Variants in METTL16 observed in about 807,000 individuals in gnomAD.
METTL16 encodes RNA N(6)-adenosine-methyltransferase METTL16.
In METTL16, 19 loss-of-function variants were observed where a neutral mutation model predicts 57.9. That is an observed-to-expected ratio of 0.33 (90% confidence interval 0.23 to 0.48). The LOEUF (loss-of-function observed/expected upper bound fraction) is 0.48. Ranked by LOEUF, METTL16 falls within the 20% of genes least tolerant of loss-of-function variation. The pLI, the probability that METTL16 is intolerant of heterozygous loss-of-function variation, is 0.99. For missense variants in METTL16, 434 were observed against 691.5 expected (o/e 0.63, Z 4.18); for synonymous variants, 246 against 255.6 (o/e 0.96, Z 0.36).
At chr17:2,427,449 G>C (rs1285552037) in intron 8 of METTL16, among the ~76,000 whole-genome samples, 1 of 152,164 alleles carries the variant, frequency 6.6e-6, no homozygotes, top group African/African-American at 2.4e-5. Context: ...AATCCATCAT[G>C]AGAGTCTCCA....
At position 2,428,377 on chromosome 17, in the gene METTL16, TC is replaced by T. The variant is rs369716223; in HGVS notation, c.889-7474del. ...CTCACGAGCCAAGTTGAATAAATTC[TC>T]CATGGCCAAAGGCGGTTAACTGTGC... is the stretch of plus-strand genomic sequence containing the variant. On this transcript the variant is annotated intron_variant, in intron 8 of 9. Transcript: ENST00000263092. Among the ~76,000 whole-genome samples, 327 of 151,464 alleles carry T rather than the reference TC, an allele frequency of 2.2e-3. 2 individuals carry two copies. The highest frequency in any genetic ancestry group is 7.5e-3 in the African/African-American group (310 of 41,278).
At chr17:2,428,343 T>TA in intron 8 of METTL16, among the ~76,000 whole-genome samples, 1 of 150,734 alleles carries the variant, frequency 6.6e-6, no homozygotes, top group South Asian at 2.1e-4. Context: ...GTGGATATGA[T>TA]AAAAAAGACT....
intron 2 of METTL16, among the ~76,000 whole-genome samples, chr17:2,491,788 T>C (rs928151232): frequency 1.5e-5 from 2 of 136,252 alleles, no homozygotes; most frequent in Non-Finnish European, 3.0e-5. Context: ...GGCAGGAGAA[T>C]GGCATGAACC....
chr17:2,446,096 A>C (rs2066993398), intron 6 of METTL16, among the ~76,000 whole-genome samples: 1 of 152,182 alleles, frequency 6.6e-6, no homozygotes, highest in South Asian at 2.1e-4. Context: ...TAAAAACTCT[A>C]AACAGACTAG....
Position 2,484,464 on chromosome 17 carries a change from T to C in METTL16, c.129-6579A>G, listed in dbSNP as rs537232423. ...GTAGCACTATGCCAGATGCCACAAA[T>C]GACCATTTCAAAGGTTATGACCACT... On this transcript the variant is annotated intron_variant, in intron 2 of 9. Coordinates refer to ENST00000263092, the MANE Select transcript of METTL16 (RefSeq NM_024086.4). Among the ~76,000 whole-genome samples the C allele has an allele frequency of 7.2e-5, 11 of 151,974 alleles. No homozygotes were observed. The East Asian group carries it at 2.1e-3, about 29-fold the overall frequency.
chr17:2,487,662 A>T (rs2067353471), intron 2 of METTL16, among the ~76,000 whole-genome samples: 1 of 152,166 alleles, frequency 6.6e-6, no homozygotes, highest in African/African-American at 2.4e-5. Context: ...CCTTTTAAAG[A>T]GCTGCTTTGG....
chr17:2,449,701 G>A (rs1448963246), intron 6 of METTL16, among the ~76,000 whole-genome samples: 2 of 152,132 alleles, frequency 1.3e-5, no homozygotes. Flanking sequence ...TTAAACAAAG[G>A]CCACTAAAGG....
rs5818860 is a variant in METTL16, at chr17:2,454,563, ATT to A, written c.728+9643_728+9644del. ...TGGATAAGACTATATTATTATTATT[ATT>A]TTTTTTTTTTTTTTTTTGAGACGGA... On this transcript the variant is annotated intron_variant, in intron 6 of 9. Transcript: ENST00000263092. Among the ~76,000 whole-genome samples the A allele has an allele frequency of 7.3e-3, 922 of 126,206 alleles. 8 individuals are homozygous for A. The highest frequency in any genetic ancestry group is 0.025 in the Middle Eastern group (6 of 240). 82.8% of individuals were successfully genotyped at this position (126,206 alleles called of 152,430 possible).
At chr17:2,503,226 C>G (rs1043561027) in intron 1 of METTL16, among the ~76,000 whole-genome samples, 1 of 151,684 alleles carries the variant, frequency 6.6e-6, no homozygotes, top group Non-Finnish European at 1.5e-5. Context: ...GAATGTGGAC[C>G]AACAAAATAC....
chr17:2,496,346 G>A (rs1267454501), intron 2 of METTL16, among the ~76,000 whole-genome samples: 5 of 151,384 alleles, frequency 3.3e-5, no homozygotes, highest in Non-Finnish European at 7.4e-5. Context: ...CGCTCAGGCT[G>A]GAGTGCAGTG....
At chr17:2,426,994 AG>A (rs2066824795) in intron 8 of METTL16, among the ~76,000 whole-genome samples, 1 of 138,744 alleles carries the variant, frequency 7.2e-6, no homozygotes, top group Admixed American at 7.3e-5. Flanking sequence ...AAAAAAAAAA[AG>A]AGCCGGGCAT....
At chr17:2,458,440 G>A (rs2151560462) in intron 6 of METTL16, among the ~76,000 whole-genome samples, 1 of 152,062 alleles carries the variant, frequency 6.6e-6, no homozygotes, top group East Asian at 1.9e-4. Context: ...GCCAGGGTGT[G>A]GTGACTCACA....
At chr17:2,429,178 G>A (rs906459376) in intron 8 of METTL16, among the ~76,000 whole-genome samples, 2 of 144,092 alleles carry the variant, frequency 1.4e-5, no homozygotes, top group South Asian at 4.5e-4. Flanking sequence ...TTTTAAAACT[G>A]ATAAAGCAAA....
At chr17:2,504,297 G>A (rs959122445) in intron 1 of METTL16, among the ~76,000 whole-genome samples, 1 of 152,142 alleles carries the variant, frequency 6.6e-6, no homozygotes, top group Non-Finnish European at 1.5e-5. Context: ...AGATAGAGGT[G>A]ATGGTTGCAC....
In METTL16 at chr17:2,419,778, A is replaced by G. The variant is rs564000635; in HGVS notation, c.*192T>C. On this transcript the variant is annotated 3_prime_UTR_variant, in exon 10 of 10. Transcript: ENST00000263092. ...ACAATTCCTCCTTGTAAATGACCACACTACGACTCCCTGTAACTCAAAAAG... is the reference window on the plus strand; with the variant it reads ...ACAATTCCTCCTTGTAAATGACCACGCTACGACTCCCTGTAACTCAAAAAG... 4.9e-5 allele frequency: 36 copies of G among 735,194 alleles called. No individual in the cohort carries two copies. Among genetic ancestry groups the G allele is most frequent in the Non-Finnish European group, 1.2e-5 (5 of 418,290 alleles). The allele number at this position is 735,194 out of a possible 1,614,324, so 45.5% of individuals were successfully genotyped here.
rs528877775 is a variant in METTL16 at position 2,500,561 on chromosome 17, C to T, written c.128+1643G>A. Among the ~76,000 whole-genome samples the T allele has an allele frequency of 5.3e-5, 8 of 152,140 alleles. No individual in the cohort carries two copies. In the South Asian group the frequency reaches 1.0e-3, roughly 20 times the overall value. On this transcript the variant is annotated intron_variant, in intron 2 of 9. Coordinates refer to ENST00000263092, the MANE Select transcript of METTL16 (RefSeq NM_024086.4). ...CCTCCCAAAGTGCTGGGATTCCAGGCGTGAGCCACCGCGCCCGGCCACTAT... is the reference window on the plus strand; with the variant it reads ...CCTCCCAAAGTGCTGGGATTCCAGGTGTGAGCCACCGCGCCCGGCCACTAT...
intron 2 of METTL16, among the ~76,000 whole-genome samples, chr17:2,489,590 T>C (rs2067368916): frequency 6.6e-6 from 1 of 151,282 alleles, no homozygotes; most frequent in South Asian, 2.1e-4. Flanking sequence ...GCAAAAAAAA[T>C]TAGCTGGGCG....
chr17:2,459,131 G>A (rs2067131092), intron 6 of METTL16, among the ~76,000 whole-genome samples: 2 of 152,134 alleles, frequency 1.3e-5, no homozygotes. Flanking sequence ...AGAAAAAAAA[G>A]CTATTAAGTA....
Position 2,419,316 on chromosome 17 carries a change from C to T in METTL16, c.*654G>A, listed in dbSNP as rs140192948. The T allele has an allele frequency of 4.4e-5, 10 of 227,470 alleles. No individual in the cohort carries two copies. The highest frequency in any genetic ancestry group is 1.8e-3 in the Middle Eastern group (1 of 550). 14.1% of individuals were successfully genotyped at this position (227,470 alleles called of 1,614,324 possible). On this transcript the variant is annotated 3_prime_UTR_variant, in exon 10 of 10. Transcript: ENST00000263092. The stretch of plus-strand genomic sequence containing the variant: ...TGCCTTCTGTGTGCCTCAGTCACAC[C>T]GGGGAGTTTTGCTTACCTAATTCTG...
Sources: allele counts gnomAD v4.1 joint callset (sites outside exome capture counted in the v4.1 genomes callset), GRCh38; gene constraint gnomAD v4.1.1; transcripts MANE v1.5; gene names NCBI Gene and HGNC (gene_info 2026-07-23, HGNC 2026-07-21).